RELCH: variants seen among roughly 807,000 people sequenced by gnomAD.
RELCH encodes RAB11 binding and LisH domain, coiled-coil and HEAT repeat containing, also known as RAB11-binding protein RELCH.
A neutral mutation model predicts 150.3 loss-of-function variants in RELCH; 41 were observed. The observed-to-expected ratio is 0.27, with a 90% confidence interval of 0.21 to 0.35. The LOEUF (loss-of-function observed/expected upper bound fraction) is 0.35. RELCH is among the 10% of genes least tolerant of loss of function. RELCH has a pLI of 1.00. For missense variants in RELCH, 1,092 were observed against 1,467.8 expected (o/e 0.74, Z 4.18); for synonymous variants, 478 against 531.8 (o/e 0.90, Z 1.39).
chr18:62,256,364 C>T (rs2042992158), intron 13 of RELCH, among the ~76,000 whole-genome samples: 1 of 151,988 alleles, frequency 6.6e-6, no homozygotes, highest in African/African-American at 2.4e-5. Flanking sequence ...TTTATTTTCC[C>T]ATACCTTCAC....
At chr18:62,293,208 CTGTT>C (rs1219532092) in intron 27 of RELCH, among the ~76,000 whole-genome samples, 6 of 152,154 alleles carry the variant, frequency 3.9e-5, no homozygotes, top group African/African-American at 7.2e-5. Context: ...TATTACATAT[CTGTT>C]TGTATTAGTC....
chr18:62,261,278 A>G (rs1053911249), intron 15 of RELCH, among the ~76,000 whole-genome samples: 1 of 152,040 alleles, frequency 6.6e-6, no homozygotes, highest in African/African-American at 2.4e-5. Context: ...TTCTCTAATG[A>G]AAAAGTAAAA....
chr18:62,196,184 T>G (rs1258397090), intron 1 of RELCH, among the ~76,000 whole-genome samples: 1 of 152,188 alleles, frequency 6.6e-6, no homozygotes, highest in African/African-American at 2.4e-5. Flanking sequence ...GATTTAGTGT[T>G]TCCTCTGCTT....
chr18:62,205,566 AAGT>A (rs2039726030), intron 1 of RELCH, among the ~76,000 whole-genome samples: 1 of 152,232 alleles, frequency 6.6e-6, no homozygotes, highest in Non-Finnish European at 1.5e-5. Context: ...TTAAATTGCT[AAGT>A]AGTAGTCCTG....
At chr18:62,273,284 A>G (rs899388338) in intron 20 of RELCH, among the ~76,000 whole-genome samples, 22 of 152,056 alleles carry the variant, frequency 1.4e-4, no homozygotes, top group Admixed American at 9.2e-4. Flanking sequence ...TATGAAAGTA[A>G]TAATAGTTCG....
At chr18:62,214,507 C>T (rs184601870) in intron 2 of RELCH, among the ~76,000 whole-genome samples, 14 of 152,308 alleles carry the variant, frequency 9.2e-5, no homozygotes. Context: ...CTCTGCAGTT[C>T]TGGGTCGCAG....
At chr18:62,264,605 C>G in intron 17 of RELCH, 124 bp from the exon 18 acceptor site, 1 of 707,360 alleles carries the variant, frequency 1.4e-6, no homozygotes, top group Non-Finnish European at 2.4e-6. Flanking sequence ...GGGTCCCAGA[C>G]AATGCCTTTC....
At chr18:62,233,384 A>G (rs2041699353) in intron 10 of RELCH, among the ~76,000 whole-genome samples, 1 of 151,966 alleles carries the variant, frequency 6.6e-6, no homozygotes, top group Non-Finnish European at 1.5e-5. Context: ...TGATAGGTAC[A>G]TAATGCATTG....
chr18:62,256,886 A>G (rs1397247181), intron 13 of RELCH, among the ~76,000 whole-genome samples: 1 of 152,104 alleles, frequency 6.6e-6, no homozygotes, highest in East Asian at 1.9e-4. Context: ...GGCAATTTTT[A>G]GCCTAAAAAG....
chr18:62,264,961 G>A (rs982211927), intron 18 of RELCH, 109 bp downstream of exon 18: 22 of 869,592 alleles, frequency 2.5e-5, no homozygotes, highest in Admixed American at 2.2e-4. Context: ...TATCTAATTC[G>A]CTTCTTTAAT....
chr18:62,257,409 T>C (rs1348631098), intron 13 of RELCH, among the ~76,000 whole-genome samples: 1 of 152,070 alleles, frequency 6.6e-6, no homozygotes, highest in Non-Finnish European at 1.5e-5. Flanking sequence ...TTCAAAGAAA[T>C]AGGAATGCCA....
rs1600324639 is a variant in RELCH, at chr18:62,307,519, T to C, written c.*1985T>C. On this transcript the variant is annotated 3_prime_UTR_variant, in exon 29 of 29. Transcript: ENST00000644646. Reference sequence around the variant, plus strand: ...GTATTTCAAGTGAGAGTCTCTTTTCTTAAATATTTTAATATCATTAAGATT... The same window carrying C: ...GTATTTCAAGTGAGAGTCTCTTTTCCTAAATATTTTAATATCATTAAGATT... 2 of 152,184 alleles carry C rather than the reference T, an allele frequency of 1.3e-5. No homozygotes were observed. The highest frequency in any genetic ancestry group is 3.8e-4 in the East Asian group (2 of 5,204). The allele number at this position is 152,184 out of a possible 1,614,324, so 9.4% of individuals were successfully genotyped here.
chr18:62,278,943 A>G (rs529817495), intron 22 of RELCH, among the ~76,000 whole-genome samples: 3 of 152,188 alleles, frequency 2.0e-5, no homozygotes, highest in Admixed American at 6.5e-5. Context: ...TCTTCCAAAC[A>G]TATTACAAAT....
At chr18:62,215,567 C>T (rs186028436) in intron 2 of RELCH, among the ~76,000 whole-genome samples, 66 of 152,272 alleles carry the variant, frequency 4.3e-4, no homozygotes, top group African/African-American at 1.5e-3. Flanking sequence ...TTATTAAGTA[C>T]CTACTTCATG....
intron 1 of RELCH, among the ~76,000 whole-genome samples, chr18:62,192,546 C>T (rs1474975667): frequency 1.3e-5 from 2 of 152,038 alleles, no homozygotes; most frequent in South Asian, 2.1e-4. Flanking sequence ...CTTTAATCCA[C>T]CTTGAGTTAA....
chr18:62,244,699 G>A, intron 10 of RELCH, 65 bp from the exon 11 acceptor site: 1 of 1,020,438 alleles, frequency 9.8e-7, no homozygotes, highest in Non-Finnish European at 1.5e-6. Flanking sequence ...AGAATATTGT[G>A]GAGGAAAAAA....
At position 62,232,374 on chromosome 18, in the gene RELCH, C is replaced by T. The variant is rs34591384; in HGVS notation, c.1567C>T (p.Leu523=). 3.7e-4 allele frequency: 598 copies of T among 1,611,708 alleles called. 1 individual carries two copies. The African/African-American group carries it at 7.4e-3, about 20-fold the overall frequency. ...CAGTGAAAAAAGCGTTATGTTAATG[C>T]TGGGACGCTGCCTGCCACACATTGT... is the stretch of plus-strand genomic sequence containing the variant. ...ADSEKSVMLM[L]GRCLPHIVPN... Residue 523 remains leucine (L), a synonymous_variant, in exon 10 of 29, where the codon CTG becomes TTG. Transcript: ENST00000644646.
intron 19 of RELCH, among the ~76,000 whole-genome samples, chr18:62,267,819 T>A (rs923110618): frequency 1.3e-5 from 2 of 151,982 alleles, no homozygotes; most frequent in African/African-American, 4.8e-5. Context: ...TGACAGCTTT[T>A]GGAATTATTA....
At chr18:62,304,967 A>G (rs2045823185) in intron 28 of RELCH, among the ~76,000 whole-genome samples, 1 of 152,252 alleles carries the variant, frequency 6.6e-6, no homozygotes, top group Admixed American at 6.5e-5. Flanking sequence ...TACTGATAAT[A>G]TTTATCTTCC....
Sources: gnomAD v4.1 joint callset for allele counts (sites outside exome capture counted in the v4.1 genomes callset) on GRCh38, gnomAD v4.1.1 for gene constraint, MANE v1.5 for transcripts, NCBI Gene and HGNC (gene_info 2026-07-23, HGNC 2026-07-21) for gene names.